The following SPMIP3 variants were observed in gnomAD, a reference collection of about 807,000 sequenced individuals.
SPMIP3 encodes the protein sperm microtubule inner protein 3.
chr1:244,388,907 G>C, the SPMIP3 span: 1 of 1,471,996 alleles, frequency 6.8e-7, no homozygotes, highest in Non-Finnish European at 9.5e-7. Flanking sequence ...AAAATTAGGA[G>C]TGAGTAGTCT....
At chr1:244,355,205 A>T in the SPMIP3 span, among the ~76,000 whole-genome samples, 18 of 152,306 alleles carry the variant, frequency 1.2e-4, no homozygotes, top group Admixed American at 2.0e-4. Flanking sequence ...AGTAATCATG[A>T]ACAACTTGCA....
the SPMIP3 span, among the ~76,000 whole-genome samples, chr1:244,360,027 G>A: frequency 6.6e-6 from 1 of 151,344 alleles, no homozygotes; most frequent in Non-Finnish European, 1.5e-5. Flanking sequence ...GAGAATCACT[G>A]GAACCCGGGA....
the SPMIP3 span, among the ~76,000 whole-genome samples, chr1:244,374,585 CTCTT>C: frequency 7.9e-6 from 1 of 127,298 alleles, no homozygotes; most frequent in African/African-American, 3.0e-5. Flanking sequence ...TCCCACATTT[CTCTT>C]TTTTTTTTTT....
chr1:244,375,746 C>T, the SPMIP3 span, among the ~76,000 whole-genome samples: 1 of 152,106 alleles, frequency 6.6e-6, no homozygotes, highest in Admixed American at 6.6e-5. Context: ...CTCACCACAA[C>T]CTCCACCTCC....
At chr1:244,360,562 ATGCATG>A in the SPMIP3 span, among the ~76,000 whole-genome samples, 2 of 17,676 alleles carry the variant, frequency 1.1e-4, no homozygotes, top group African/African-American at 2.4e-4. Flanking sequence ...ACACACATGC[ATGCATG>A]GAATATTATT....
the SPMIP3 span, among the ~76,000 whole-genome samples, chr1:244,386,043 A>G: frequency 9.4e-5 from 14 of 148,236 alleles, no homozygotes; most frequent in African/African-American, 3.5e-4. Flanking sequence ...CACACAAATT[A>G]GCTCACGCCT....
At chr1:244,380,112 A>G in the SPMIP3 span, among the ~76,000 whole-genome samples, 1 of 146,250 alleles carries the variant, frequency 6.8e-6, no homozygotes, top group African/African-American at 2.5e-5. Flanking sequence ...TACTTCATTC[A>G]CAGAGTTTTT....
the SPMIP3 span, among the ~76,000 whole-genome samples, chr1:244,378,923 A>ATTTATTTT: frequency 1.7e-4 from 26 of 151,752 alleles, 1 homozygote; most frequent in South Asian, 5.4e-3. Flanking sequence ...TTTATCTTTT[A>ATTTATTTT]TTTATTTTTA....
the SPMIP3 span, among the ~76,000 whole-genome samples, chr1:244,388,296 G>T: frequency 6.6e-6 from 1 of 152,046 alleles, no homozygotes. Context: ...AATTTAAAGA[G>T]TAATAATAAA....
the SPMIP3 span, among the ~76,000 whole-genome samples, chr1:244,368,267 CTGTT>C: frequency 6.6e-6 from 1 of 152,138 alleles, no homozygotes; most frequent in Admixed American, 6.6e-5. Flanking sequence ...CCTACTTTAT[CTGTT>C]TCTTTATATC....
chr1:244,365,251 T>A, the SPMIP3 span, among the ~76,000 whole-genome samples: 1 of 152,240 alleles, frequency 6.6e-6, no homozygotes, highest in Non-Finnish European at 1.5e-5. Flanking sequence ...TGGGGTGATA[T>A]GATTTGGTTG....
the SPMIP3 span, among the ~76,000 whole-genome samples, chr1:244,357,251 C>A: frequency 7.6e-5 from 7 of 92,600 alleles, no homozygotes; most frequent in Non-Finnish European, 1.6e-4. Context: ...AAACAAGATA[C>A]ATAAGTAAAC....
chr1:244,389,216 T>C, the SPMIP3 span: 6 of 627,534 alleles, frequency 9.6e-6, 1 homozygote, highest in South Asian at 1.1e-4. Flanking sequence ...CTTTGCAGAT[T>C]AAGTTGGTCA....
the SPMIP3 span, among the ~76,000 whole-genome samples, chr1:244,387,856 G>C: frequency 2.6e-5 from 4 of 151,958 alleles, no homozygotes; most frequent in Non-Finnish European, 5.9e-5. Context: ...TGACTCCCAG[G>C]TTTCTAGTTT....
the SPMIP3 span, among the ~76,000 whole-genome samples, chr1:244,381,757 C>T: frequency 1.1e-3 from 165 of 152,308 alleles, no homozygotes; most frequent in Non-Finnish European, 1.7e-3. Context: ...ATGGCAGAAC[C>T]CCATCTCTAC....
At chr1:244,371,673 G>A in the SPMIP3 span, among the ~76,000 whole-genome samples, 1 of 152,074 alleles carries the variant, frequency 6.6e-6, no homozygotes, top group African/African-American at 2.4e-5. Flanking sequence ...TGCACGCCAT[G>A]GTCAAAACCC....
chr1:244,382,627 G>A, the SPMIP3 span, among the ~76,000 whole-genome samples: 1 of 118,844 alleles, frequency 8.4e-6, no homozygotes, highest in Non-Finnish European at 1.7e-5. Context: ...TTTTTGAGAC[G>A]GAGTGTTGCT....
At chr1:244,362,338 A>C in the SPMIP3 span, among the ~76,000 whole-genome samples, 1 of 152,208 alleles carries the variant, frequency 6.6e-6, no homozygotes, top group Admixed American at 6.5e-5. Flanking sequence ...AAGAGTTAAA[A>C]TAAATATTTC....
At chr1:244,380,080 A>G in the SPMIP3 span, among the ~76,000 whole-genome samples, 14 of 150,698 alleles carry the variant, frequency 9.3e-5, no homozygotes, top group African/African-American at 3.4e-4. Context: ...TGGTGCTTTG[A>G]ATTTTAGTTC....
Sources: gnomAD v4.1 joint callset for allele counts (sites outside exome capture counted in the v4.1 genomes callset) on GRCh38, gnomAD v4.1.1 for gene constraint, MANE v1.5 for transcripts, NCBI Gene and HGNC (gene_info 2026-07-23, HGNC 2026-07-21) for gene names.